Variants in AUTS2 observed in about 807,000 individuals in gnomAD.
AUTS2 encodes the protein activator of transcription and developmental regulator AUTS2.
Under a neutral mutation model 112.4 loss-of-function variants are expected in AUTS2, and 17 were observed. That is an observed-to-expected ratio of 0.15 (90% CI 0.10 to 0.23). The LOEUF (loss-of-function observed/expected upper bound fraction) is 0.23. AUTS2 is among the 10% of genes least tolerant of loss of function. The pLI, the probability that AUTS2 is intolerant of heterozygous loss-of-function variation, is 1.00. For missense variants in AUTS2, 1,510 were observed against 1,701.6 expected (o/e 0.89, Z 1.98); for synonymous variants, 751 against 702.7 (o/e 1.07, Z -1.09).
chr7:70,042,724 T>C (rs1014023571), intron 2 of AUTS2, among the ~76,000 whole-genome samples: 2 of 152,200 alleles, frequency 1.3e-5, no homozygotes, highest in African/African-American at 4.8e-5. Context: ...GTGACACCTC[T>C]CTATTCTGCA....
chr7:70,534,824 A>G (rs1018382107), intron 5 of AUTS2, among the ~76,000 whole-genome samples: 2 of 152,126 alleles, frequency 1.3e-5, no homozygotes, highest in African/African-American at 4.8e-5. Flanking sequence ...AGTAATGGTG[A>G]TTATGGTGAT....
At chr7:69,797,031 G>C (rs1789874939) in intron 1 of AUTS2, among the ~76,000 whole-genome samples, 1 of 152,144 alleles carries the variant, frequency 6.6e-6, no homozygotes, top group Non-Finnish European at 1.5e-5. Flanking sequence ...TAAGTGTAAA[G>C]GGCCTAGTAT....
chr7:69,670,254 C>T (rs1371444974), intron 1 of AUTS2, among the ~76,000 whole-genome samples: 1 of 152,132 alleles, frequency 6.6e-6, no homozygotes, highest in Non-Finnish European at 1.5e-5. Flanking sequence ...GTTAACTCCT[C>T]TCTGATATTG....
intron 5 of AUTS2, among the ~76,000 whole-genome samples, chr7:70,577,266 CTGGAAG>C (rs777266235): frequency 6.6e-6 from 1 of 152,184 alleles, no homozygotes. Context: ...ACCGTGGCTG[CTGGAAG>C]CCTAGAGCCA....
intron 1 of AUTS2, among the ~76,000 whole-genome samples, chr7:69,759,717 A>G (rs1788088531): frequency 7.2e-6 from 1 of 139,344 alleles, no homozygotes; most frequent in Admixed American, 7.7e-5. Flanking sequence ...TATATAATAT[A>G]GCTTTCATAG....
intron 4 of AUTS2, among the ~76,000 whole-genome samples, chr7:70,206,145 C>T (rs1810563307): frequency 6.6e-6 from 1 of 152,128 alleles, no homozygotes; most frequent in Non-Finnish European, 1.5e-5. Flanking sequence ...CTGTGTTATT[C>T]CCTGTCCCCC....
intron 1 of AUTS2, among the ~76,000 whole-genome samples, chr7:69,674,940 C>A (rs941526804): frequency 3.3e-5 from 5 of 152,156 alleles, no homozygotes; most frequent in African/African-American, 1.2e-4. Flanking sequence ...ATAATTTGGG[C>A]TCCTGTGTAT....
chr7:70,446,360 C>T (rs1796318652), intron 5 of AUTS2, among the ~76,000 whole-genome samples: 1 of 152,220 alleles, frequency 6.6e-6, no homozygotes, highest in African/African-American at 2.4e-5. Context: ...GCACAACACT[C>T]TGTCAGCCAA....
At chr7:70,095,283 C>T (rs182916175) in intron 2 of AUTS2, among the ~76,000 whole-genome samples, 8 of 152,100 alleles carry the variant, frequency 5.3e-5, no homozygotes, top group East Asian at 1.9e-4. Context: ...TGCGTGCGTG[C>T]GCTCACGTGT....
chr7:70,660,708 G>T (rs1807025772), intron 5 of AUTS2, among the ~76,000 whole-genome samples: 1 of 152,224 alleles, frequency 6.6e-6, no homozygotes, highest in Non-Finnish European at 1.5e-5. Flanking sequence ...ACCAGGGGAA[G>T]TAGCTGTTGG....
intron 4 of AUTS2, among the ~76,000 whole-genome samples, chr7:70,204,738 C>A (rs1198271939): frequency 3.3e-5 from 5 of 151,990 alleles, no homozygotes; most frequent in African/African-American, 1.2e-4. Flanking sequence ...CACCTGGTAA[C>A]CAATAAATGT....
At chr7:69,922,869 T>C (rs1165731939) in intron 2 of AUTS2, among the ~76,000 whole-genome samples, 3 of 152,230 alleles carry the variant, frequency 2.0e-5, no homozygotes, top group Non-Finnish European at 4.4e-5. Context: ...GTACATTCCC[T>C]TTCCTCTAGT....
chr7:69,970,712 A>G lies in AUTS2; in HGVS notation c.522+71214A>G, dbSNP rs540746352. On this transcript the variant is annotated intron_variant, in intron 2 of 18. Transcript: ENST00000342771. The stretch of plus-strand genomic sequence containing the variant: ...CCTCTCCCATCTAAGCATTCTCACT[A>G]CATCTCCCTCAACAGTGCTAGCCCT... 3.9e-5 allele frequency among the ~76,000 whole-genome samples: 6 copies of G among 152,226 alleles called. No individual in the cohort carries two copies. The South Asian group carries it at 1.0e-3, about 26-fold the overall frequency.
chr7:69,635,840 G>T (rs1323813085), intron 1 of AUTS2, among the ~76,000 whole-genome samples: 1 of 152,216 alleles, frequency 6.6e-6, no homozygotes, highest in Non-Finnish European at 1.5e-5. Context: ...TTACCTTGAG[G>T]ATCAGCTTTA....
At chr7:70,757,342 T>C (rs771576131) in intron 6 of AUTS2, among the ~76,000 whole-genome samples, 1 of 152,208 alleles carries the variant, frequency 6.6e-6, no homozygotes, top group Non-Finnish European at 1.5e-5. Flanking sequence ...TTGCACTCTC[T>C]TATTAGTTCT....
At chr7:70,469,972 T>C (rs1006949105) in intron 5 of AUTS2, among the ~76,000 whole-genome samples, 9 of 146,650 alleles carry the variant, frequency 6.1e-5, no homozygotes, top group Admixed American at 1.4e-4. Context: ...AGTCTGGAGA[T>C]AAGCTTAGCA....
At chr7:70,610,527 C>T (rs963134127) in intron 5 of AUTS2, among the ~76,000 whole-genome samples, 2 of 145,844 alleles carry the variant, frequency 1.4e-5, no homozygotes, top group Non-Finnish European at 3.0e-5. Context: ...CCTCAACCTC[C>T]TGGGCTCAGG....
At chr7:70,491,419 T>TAC (rs141971563) in intron 5 of AUTS2, among the ~76,000 whole-genome samples, 10,121 of 139,996 alleles carry the variant, frequency 0.072, 520 homozygotes, top group African/African-American at 0.098. Context: ...CGTGTGTGTA[T>TAC]ACACACACAC....
intron 5 of AUTS2, among the ~76,000 whole-genome samples, chr7:70,444,032 G>T (rs1156269611): frequency 6.6e-6 from 1 of 152,148 alleles, no homozygotes; most frequent in African/African-American, 2.4e-5. Context: ...TTCCCCTTGG[G>T]TGAATGAGCC....
Sources: gnomAD v4.1 joint callset for allele counts (sites outside exome capture counted in the v4.1 genomes callset) on GRCh38, gnomAD v4.1.1 for gene constraint, MANE v1.5 for transcripts, NCBI Gene and HGNC (gene_info 2026-07-23, HGNC 2026-07-21) for gene names.